The following DOCK7 variants were observed in gnomAD, a reference collection of about 807,000 sequenced individuals.
The protein encoded by DOCK7 is dedicator of cytokinesis protein 7.
Under a neutral mutation model 271.0 loss-of-function variants are expected in DOCK7, and 138 were observed. The observed-to-expected ratio is 0.51, with a 90% CI of 0.44 to 0.59. The LOEUF is 0.59. Among genes scored for constraint, DOCK7 ranks in the 20% least tolerant of loss-of-function variants. The pLI, the probability that DOCK7 is intolerant of heterozygous loss-of-function variation, is 0.00. For missense variants in DOCK7, 2,066 were observed against 2,592.4 expected (o/e 0.80, Z 4.41); for synonymous variants, 823 against 876.1 (o/e 0.94, Z 1.07).
intron 28 of DOCK7, among the ~76,000 whole-genome samples, chr1:62,537,468 C>T (rs1645382507): frequency 6.6e-6 from 1 of 151,930 alleles, no homozygotes; most frequent in South Asian, 2.1e-4. Context: ...CGTCTGTAGT[C>T]CCAGCTACTC....
At chr1:62,506,949 AAAATAAATAAATAAAT>A (rs375137004) in intron 35 of DOCK7, among the ~76,000 whole-genome samples, 1 of 138,574 alleles carries the variant, frequency 7.2e-6, no homozygotes, top group Non-Finnish European at 1.5e-5. Context: ...CTCCACCTCA[AAAATAAATAAATAAAT>A]AAATAAATAA....
chr1:62,620,093 G>C, intron 12 of DOCK7, 100 bp from the exon 13 acceptor site: 3 of 847,692 alleles, frequency 3.5e-6, no homozygotes, highest in Non-Finnish European at 5.5e-6. Context: ...GCTGAGGCGG[G>C]CGGATCATAT....
chr1:62,675,399 CTCAA>C (rs952668790), intron 1 of DOCK7, among the ~76,000 whole-genome samples: 2 of 152,152 alleles, frequency 1.3e-5, no homozygotes, highest in Admixed American at 6.5e-5. Flanking sequence ...AAGACCCTGT[CTCAA>C]TCAATCAATC....
At chr1:62,477,391 G>A (rs566312098) in intron 44 of DOCK7, among the ~76,000 whole-genome samples, 97 of 152,164 alleles carry the variant, frequency 6.4e-4, no homozygotes, top group African/African-American at 2.1e-3. Context: ...TTAATTCTTT[G>A]TCTTTTTCAA....
intron 22 of DOCK7, among the ~76,000 whole-genome samples, chr1:62,545,685 T>C (rs1645681970): frequency 6.6e-6 from 1 of 152,156 alleles, no homozygotes; most frequent in South Asian, 2.1e-4. Context: ...AAAAACATTA[T>C]GCTGGGGCTG....
chr1:62,496,462 T>G lies in DOCK7; in HGVS notation c.4800A>C (p.Ser1600=). The part of the protein sequence containing the change: ...FARVKMQVTM[S]LSSLVGTSQN... ...GAGATGTGCCCACCAAGGAGGATAG[T>G]GACATTGTTACCTGCATTTTAACCC... Residue 1600 remains serine (S), a synonymous_variant, in exon 38 of 50, where the codon TCA becomes TCC. Transcript: ENST00000635253. 6.2e-7 allele frequency: 1 copy of G among 1,613,536 alleles called. No individual in the cohort carries two copies. The highest frequency in any genetic ancestry group is 8.5e-7 in the Non-Finnish European group (1 of 1,179,700).
At chr1:62,595,955 G>C (rs1649175215) in intron 14 of DOCK7, among the ~76,000 whole-genome samples, 1 of 151,946 alleles carries the variant, frequency 6.6e-6, no homozygotes, top group African/African-American at 2.4e-5. Context: ...TTTGGAAATG[G>C]TTTATTTTGT....
intron 31 of DOCK7, among the ~76,000 whole-genome samples, chr1:62,527,713 T>C (rs1208288361): frequency 2.9e-4 from 38 of 128,872 alleles, no homozygotes; most frequent in East Asian, 7.5e-4. Flanking sequence ...GAACATCACA[T>C]ACCGGGGCCT....
chr1:62,568,522 C>G lies in DOCK7; in HGVS notation c.2113-6819G>C, dbSNP rs1571577411. 2.1e-5 allele frequency among the ~76,000 whole-genome samples: 3 copies of G among 144,310 alleles called. No homozygotes were observed. In the South Asian group the frequency reaches 6.6e-4, roughly 32 times the overall value. The allele number at this position is 144,310 out of a possible 152,430, so 94.7% of individuals were successfully genotyped here. On this transcript the variant is annotated intron_variant, in intron 18 of 49. Transcript: ENST00000635253. Reference sequence around the variant, plus strand: ...ATTTCACCATGTTGGCCAGGCTGGTCTCAAACTCCTGACCTCAAGTAATCC... The same window carrying G: ...ATTTCACCATGTTGGCCAGGCTGGTGTCAAACTCCTGACCTCAAGTAATCC...
chr1:62,571,232 G>T (rs926802348), intron 18 of DOCK7, among the ~76,000 whole-genome samples: 1 of 152,122 alleles, frequency 6.6e-6, no homozygotes, highest in Non-Finnish European at 1.5e-5. Flanking sequence ...CCATTAAACA[G>T]TGGGCAAAGG....
chr1:62,486,333 T>C (rs921654700), intron 43 of DOCK7: 1 of 152,214 alleles, frequency 6.6e-6, no homozygotes, highest in South Asian at 2.1e-4. Flanking sequence ...GGTTTTCTAT[T>C]TGGGTCTTAA....
intron 22 of DOCK7, among the ~76,000 whole-genome samples, chr1:62,551,114 G>A (rs1645889751): frequency 6.6e-6 from 1 of 152,142 alleles, no homozygotes; most frequent in African/African-American, 2.4e-5. Flanking sequence ...AAAAAGGTTG[G>A]AGGATCAAGA....
intron 17 of DOCK7, among the ~76,000 whole-genome samples, chr1:62,578,565 C>T (rs977173247): frequency 6.6e-6 from 1 of 151,540 alleles, no homozygotes; most frequent in African/African-American, 2.4e-5. Context: ...ACTAAAAATA[C>T]AAAAAAATTA....
intron 4 of DOCK7, among the ~76,000 whole-genome samples, chr1:62,651,043 C>G (rs938556839): frequency 6.6e-6 from 1 of 151,954 alleles, no homozygotes; most frequent in Non-Finnish European, 1.5e-5. Context: ...TTGGAACCAA[C>G]CCAAATGTCC....
chr1:62,612,886 A>T (rs959026048), intron 14 of DOCK7, among the ~76,000 whole-genome samples: 11 of 152,228 alleles, frequency 7.2e-5, no homozygotes. Context: ...ACAGGTGATT[A>T]CAACTAAGGC....
At chr1:62,456,166 C>T (rs1408235853) in intron 49 of DOCK7, among the ~76,000 whole-genome samples, 2 of 152,108 alleles carry the variant, frequency 1.3e-5, no homozygotes, top group Non-Finnish European at 2.9e-5. Flanking sequence ...CAATATTTGG[C>T]ATTAATATGA....
chr1:62,489,940 A>G (rs1390800986), intron 41 of DOCK7, among the ~76,000 whole-genome samples: 2 of 152,248 alleles, frequency 1.3e-5, no homozygotes, highest in African/African-American at 4.8e-5. Context: ...AAGCATAGAA[A>G]GTTTTGAGCC....
intron 16 of DOCK7, among the ~76,000 whole-genome samples, chr1:62,582,686 AT>A (rs1444261567): frequency 6.6e-6 from 1 of 151,780 alleles, no homozygotes; most frequent in Non-Finnish European, 1.5e-5. Context: ...GATTAGTACA[AT>A]TTTGTGATTT....
rs77123273 is a variant in DOCK7 at position 62,674,555 on chromosome 1, T to C, written c.39-11425A>G. Among the ~76,000 whole-genome samples the C allele has an allele frequency of 1.1e-3, 169 of 152,316 alleles. 4 individuals carry two copies. The East Asian group carries it at 0.029, about 26-fold the overall frequency. ...GACCCACACTTACAAATTTCAAATT[T>C]TACTTTAAAGCAATGGTAACCAGAA... On this transcript the variant is annotated intron_variant, in intron 1 of 49. Transcript: ENST00000635253.
Sources: gnomAD v4.1 joint callset for allele counts (sites outside exome capture counted in the v4.1 genomes callset) on GRCh38, gnomAD v4.1.1 for gene constraint, MANE v1.5 for transcripts, NCBI Gene and HGNC (gene_info 2026-07-23, HGNC 2026-07-21) for gene names.